The following THSD7B variants were observed in gnomAD, a reference collection of about 807,000 sequenced individuals.
The protein encoded by THSD7B is thrombospondin type-1 domain-containing protein 7B.
In THSD7B, 138 loss-of-function variants were observed where a neutral mutation model predicts 213.6. That is an observed-to-expected ratio of 0.65 (90% CI 0.56 to 0.74). THSD7B has a LOEUF of 0.74. Among genes scored for constraint, THSD7B ranks in the 30% least tolerant of loss-of-function variants. The pLI is 0.00. For synonymous variants in THSD7B, 742 were observed against 687.0 expected (o/e 1.08, Z -1.25); for missense variants, 1,931 against 1,991.5 (o/e 0.97, Z 0.58).
chr2:137,562,382 G>T (rs1000679855), intron 15 of THSD7B, among the ~76,000 whole-genome samples: 4 of 152,020 alleles, frequency 2.6e-5, no homozygotes, highest in African/African-American at 9.7e-5. Context: ...ATATAAAGGA[G>T]CAATGCAATT....
chr2:137,599,741 A>T (rs1315837045), intron 17 of THSD7B, among the ~76,000 whole-genome samples: 2 of 152,218 alleles, frequency 1.3e-5, no homozygotes, highest in African/African-American at 2.4e-5. Context: ...ATCGACAAAC[A>T]TCTAGCTCGA....
At chr2:137,467,906 C>A (rs1688023967) in intron 15 of THSD7B, among the ~76,000 whole-genome samples, 1 of 152,142 alleles carries the variant, frequency 6.6e-6, no homozygotes, top group African/African-American at 2.4e-5. Context: ...ATGCATACAA[C>A]ACATGTTTCT....
chr2:136,834,046 T>C lies in THSD7B; in HGVS notation c.-35-48098T>C, dbSNP rs567152227. ...CTAGAGAAGTTGTTCCCGTGACTAA[T>C]ATGTAGCTAGTACACAGCAGTATGA... On this transcript the variant is annotated intron_variant, in intron 1 of 27. Coordinates refer to ENST00000409968, the MANE Select transcript of THSD7B (RefSeq NM_001316349.2). Among the ~76,000 whole-genome samples the C allele has an allele frequency of 4.6e-5, 7 of 152,330 alleles. 1 individual carries two copies. The highest frequency in any genetic ancestry group is 3.9e-4 in the East Asian group (2 of 5,188).
intron 2 of THSD7B, among the ~76,000 whole-genome samples, chr2:136,954,632 T>C (rs552837898): frequency 1.2e-4 from 18 of 145,566 alleles, no homozygotes; most frequent in African/African-American, 4.6e-4. Context: ...AGGAGAATGG[T>C]GTGAACCCCG....
intron 12 of THSD7B, among the ~76,000 whole-genome samples, chr2:137,379,853 T>C (rs1218415531): frequency 6.6e-6 from 1 of 152,214 alleles, no homozygotes; most frequent in African/African-American, 2.4e-5. Flanking sequence ...CCTGTGCTAC[T>C]AGGGCTCTTG....
At chr2:137,611,868 G>C (rs896111054) in intron 17 of THSD7B, among the ~76,000 whole-genome samples, 2 of 152,084 alleles carry the variant, frequency 1.3e-5, no homozygotes, top group Non-Finnish European at 2.9e-5. Flanking sequence ...GGGAGACAAG[G>C]TATGATCTCT....
intron 10 of THSD7B, among the ~76,000 whole-genome samples, chr2:137,251,111 T>C (rs538572183): frequency 2.0e-5 from 3 of 152,290 alleles, no homozygotes; most frequent in East Asian, 3.9e-4. Context: ...AGTAAATCCA[T>C]GTCAAATAAA....
chr2:136,891,989 G>A (rs562096416), intron 2 of THSD7B, among the ~76,000 whole-genome samples: 3 of 152,162 alleles, frequency 2.0e-5, no homozygotes, highest in Admixed American at 2.0e-4. Context: ...ACCTGGGCTG[G>A]GAGGACTTAA....
intron 4 of THSD7B, among the ~76,000 whole-genome samples, chr2:137,108,589 A>G (rs1040328602): frequency 1.2e-4 from 18 of 152,088 alleles, no homozygotes; most frequent in African/African-American, 4.3e-4. Flanking sequence ...CTCTAATCCA[A>G]AGTTTGTGTC....
chr2:137,568,069 G>A (rs1409965114), intron 16 of THSD7B, among the ~76,000 whole-genome samples: 1 of 152,096 alleles, frequency 6.6e-6, no homozygotes, highest in Non-Finnish European at 1.5e-5. Flanking sequence ...TGTTTCAAAG[G>A]CTTTTTGGTT....
intron 15 of THSD7B, among the ~76,000 whole-genome samples, chr2:137,481,130 C>A (rs1364929325): frequency 6.6e-6 from 1 of 152,194 alleles, no homozygotes; most frequent in Non-Finnish European, 1.5e-5. Context: ...GTACCTTGAT[C>A]TTGGACTTCC....
chr2:137,486,857 C>A (rs1688458766), intron 15 of THSD7B, among the ~76,000 whole-genome samples: 1 of 152,156 alleles, frequency 6.6e-6, no homozygotes, highest in Admixed American at 6.5e-5. Context: ...AACCGCTCAA[C>A]TACATGGAAA....
intron 12 of THSD7B, among the ~76,000 whole-genome samples, chr2:137,317,797 A>G (rs532732837): frequency 9.9e-5 from 15 of 152,280 alleles, no homozygotes; most frequent in African/African-American, 3.6e-4. Context: ...GCACACCTGT[A>G]GACCTAGTTA....
At chr2:136,888,225 T>G (rs1683752086) in intron 2 of THSD7B, among the ~76,000 whole-genome samples, 1 of 152,082 alleles carries the variant, frequency 6.6e-6, no homozygotes, top group Admixed American at 6.6e-5. Flanking sequence ...TTTCAGTAGC[T>G]CATGCTCAAT....
intron 12 of THSD7B, among the ~76,000 whole-genome samples, chr2:137,277,719 G>C (rs1349128638): frequency 6.6e-6 from 1 of 152,126 alleles, no homozygotes. Context: ...TTACACCTAA[G>C]TGTTGGCAAG....
intron 15 of THSD7B, among the ~76,000 whole-genome samples, chr2:137,547,167 A>T (rs1333005251): frequency 6.6e-6 from 1 of 152,058 alleles, no homozygotes; most frequent in African/African-American, 2.4e-5. Context: ...AATGGCAGGA[A>T]TGCCATTATC....
chr2:137,271,345 G>A lies in THSD7B; in HGVS notation c.2267-1188G>A, dbSNP rs183627636. Among the ~76,000 whole-genome samples, 135 of 146,976 alleles carry A rather than the reference G, an allele frequency of 9.2e-4. 3 individuals are homozygous for A. Among genetic ancestry groups the A allele is most frequent in the African/African-American group, 3.0e-3 (121 of 40,106 alleles). Reference sequence around the variant, plus strand: ...TTACATCTCAGTGCCCTTCTTCAAAGTGCTTCCTTGGCCTGAAATGGCTTC... The same window carrying A: ...TTACATCTCAGTGCCCTTCTTCAAAATGCTTCCTTGGCCTGAAATGGCTTC... On this transcript the variant is annotated intron_variant, in intron 10 of 27. Transcript: ENST00000409968.
intron 12 of THSD7B, among the ~76,000 whole-genome samples, chr2:137,395,765 A>G (rs1255391165): frequency 1.3e-5 from 2 of 151,964 alleles, no homozygotes; most frequent in East Asian, 1.9e-4. Context: ...TACCTCTGAT[A>G]GAATTCAGCT....
chr2:136,884,148 T>C (rs1457428592), intron 2 of THSD7B, among the ~76,000 whole-genome samples: 2 of 152,202 alleles, frequency 1.3e-5, no homozygotes, highest in East Asian at 3.8e-4. Flanking sequence ...CACATATAGT[T>C]ATTAATTAGG....
Sources: gnomAD v4.1 joint callset for allele counts (sites outside exome capture counted in the v4.1 genomes callset) on GRCh38, gnomAD v4.1.1 for gene constraint, MANE v1.5 for transcripts, NCBI Gene and HGNC (gene_info 2026-07-23, HGNC 2026-07-21) for gene names.